Variants in ZYG11A observed in about 807,000 individuals in gnomAD.
ZYG11A encodes zyg-11 family member A, cell cycle regulator.
In ZYG11A, 62 loss-of-function variants were observed where a neutral mutation model predicts 77.2. The ratio of observed to expected loss-of-function variants is 0.80; its 90% CI spans 0.65 to 0.99. ZYG11A has a LOEUF of 0.99. Among genes scored for constraint, ZYG11A ranks in the 50% least tolerant of loss-of-function variants. ZYG11A has a pLI of 0.00. For missense variants in ZYG11A, 828 were observed against 896.8 expected, an observed-to-expected ratio of 0.92 and a Z score of 0.98; for synonymous variants, 315 against 324.6, an observed-to-expected ratio of 0.97 and a Z score of 0.32.
intron 3 of ZYG11A, 45 bp from the exon 4 acceptor site, chr1:52,860,686 A>G: frequency 6.5e-7 from 1 of 1,540,922 alleles, no homozygotes; most frequent in Non-Finnish European, 8.8e-7. Flanking sequence ...GAATGGTGAA[A>G]AAATATGAAT....
At chr1:52,881,267 G>A in intron 10 of ZYG11A, 1 of 455,212 alleles carries the variant, frequency 2.2e-6, no homozygotes, top group Non-Finnish European at 3.9e-6. Flanking sequence ...CACTTAGTAA[G>A]TACTTATTTA....
chr1:52,883,314 C>T (rs543782442), intron 11 of ZYG11A, among the ~76,000 whole-genome samples: 17 of 152,014 alleles, frequency 1.1e-4, no homozygotes, highest in East Asian at 3.9e-4. Context: ...TTAGTAGAGA[C>T]GATTTCACCA....
At chr1:52,861,535 C>T (rs576650) in intron 4 of ZYG11A, among the ~76,000 whole-genome samples, 88,606 of 151,596 alleles carry the variant, frequency 0.58, 26,958 homozygotes, top group African/African-American at 0.67. Context: ...ACCCCGTCTC[C>T]ACTAAAAACA....
rs980369059 is a variant in ZYG11A, at chr1:52,867,455, A to G, written c.1392-84A>G. The G allele has an allele frequency of 3.4e-6, 3 of 891,010 alleles. No individual in the cohort carries two copies. In the African/African-American group the frequency reaches 5.0e-5, roughly 15 times the overall value. 55.2% of individuals were successfully genotyped at this position (891,010 alleles called of 1,614,324 possible). On this transcript the variant is annotated intron_variant, in intron 6 of 13. Transcript: ENST00000371528. ...CCAAGACTGTTTTCATTATAGGATTACTTGGGGAATGCCAAATGATTTCTT... is the reference window on the plus strand; with the variant it reads ...CCAAGACTGTTTTCATTATAGGATTGCTTGGGGAATGCCAAATGATTTCTT...
chr1:52,858,641 G>A (rs1645864736), intron 3 of ZYG11A, among the ~76,000 whole-genome samples: 1 of 148,924 alleles, frequency 6.7e-6, no homozygotes, highest in African/African-American at 2.5e-5. Context: ...AGACTGAGTT[G>A]TGCTCTTGTT....
At chr1:52,860,572 C>T (rs987354630) in intron 3 of ZYG11A, among the ~76,000 whole-genome samples, 159 bp from the exon 4 acceptor site, 3 of 152,200 alleles carry the variant, frequency 2.0e-5, no homozygotes, top group African/African-American at 7.2e-5. Context: ...GCTGGGATTA[C>T]AGGCGTGAGC....
intron 3 of ZYG11A, among the ~76,000 whole-genome samples, chr1:52,859,119 T>G (rs1270253661): frequency 1.3e-5 from 2 of 152,096 alleles, no homozygotes; most frequent in African/African-American, 4.8e-5. Flanking sequence ...CAGGATGGAG[T>G]GCAGTGGCAC....
At chr1:52,863,950 T>C (rs1200500234) in intron 4 of ZYG11A, 31 bp from the exon 5 acceptor site, 1 of 1,530,124 alleles carries the variant, frequency 6.5e-7, no homozygotes, top group Non-Finnish European at 8.8e-7. Context: ...GTTACTGGCA[T>C]CATATGCACT....
At chr1:52,881,757 AAG>A in intron 11 of ZYG11A, 92 bp downstream of exon 11, 1 of 1,052,452 alleles carries the variant, frequency 9.5e-7, no homozygotes, top group South Asian at 1.9e-5. Flanking sequence ...TGATTGTAGA[AAG>A]TGGGAAAAAT....
rs1298352082 is a variant in ZYG11A at position 52,893,611 on chromosome 1, C to G, written c.*654C>G. Reference sequence around the variant, plus strand: ...AAAACTCCGTCTCTACCAAAAAATACAAAAATTAGCTGAGCGTGGTGGTGT... The same window carrying G: ...AAAACTCCGTCTCTACCAAAAAATAGAAAAATTAGCTGAGCGTGGTGGTGT... On this transcript the variant is annotated 3_prime_UTR_variant, in exon 14 of 14. Coordinates refer to ENST00000371528, the MANE Select transcript of ZYG11A (RefSeq NM_001004339.3). The G allele has an allele frequency of 6.6e-6, 1 of 151,800 alleles. No individual in the cohort carries two copies. 9.4% of individuals were successfully genotyped at this position (151,800 alleles called of 1,614,324 possible). A position where few individuals can be genotyped will look rare whatever the true frequency, so the allele number is the denominator to read the frequency against.
At chr1:52,858,067 A>G (rs1256572560) in intron 3 of ZYG11A, among the ~76,000 whole-genome samples, 2 of 151,162 alleles carry the variant, frequency 1.3e-5, no homozygotes, top group South Asian at 2.1e-4. Context: ...GATCATAGGC[A>G]TGAGCCACTG....
intron 8 of ZYG11A, among the ~76,000 whole-genome samples, chr1:52,875,226 A>C (rs1478140903): frequency 6.6e-6 from 1 of 152,312 alleles, no homozygotes; most frequent in South Asian, 2.1e-4. Context: ...AGAGGAAGTC[A>C]TTAGTCACCT....
Position 52,878,057 on chromosome 1 carries a change from G to A in ZYG11A, c.1749+88G>A, listed in dbSNP as rs1339296378. 3.6e-6 allele frequency: 4 copies of A among 1,124,142 alleles called. No individual in the cohort carries two copies. The African/African-American group carries it at 6.3e-5, about 18-fold the overall frequency. The allele number at this position is 1,124,142 out of a possible 1,614,324, so 69.6% of individuals were successfully genotyped here. ...TACCTACTATATGCTAGGCAGTATT[G>A]TAAGCAATTTACATGTATAAACTCA... On this transcript the variant is annotated intron_variant, in intron 10 of 13. Coordinates refer to ENST00000371528, the MANE Select transcript of ZYG11A (RefSeq NM_001004339.3).
At chr1:52,862,265 C>G (rs1162316410) in intron 4 of ZYG11A, among the ~76,000 whole-genome samples, 1 of 150,714 alleles carries the variant, frequency 6.6e-6, no homozygotes, top group Non-Finnish European at 1.5e-5. Flanking sequence ...GTCCCAGCTA[C>G]TTGGGTGACT....
intron 11 of ZYG11A, 80 bp downstream of exon 11, chr1:52,881,745 T>C: frequency 8.7e-7 from 1 of 1,148,280 alleles, no homozygotes; most frequent in Non-Finnish European, 1.2e-6. Flanking sequence ...ATCATAATAA[T>C]ATGATTGTAG....
chr1:52,884,219 G>A (rs140163768), intron 11 of ZYG11A, among the ~76,000 whole-genome samples: 2,744 of 151,884 alleles, frequency 0.018, 48 homozygotes, highest in Middle Eastern at 0.027. Context: ...GGGCGTGGCC[G>A]GGCACGGTGG....
intron 13 of ZYG11A, among the ~76,000 whole-genome samples, chr1:52,889,407 A>T (rs1571885266): frequency 6.6e-6 from 1 of 151,126 alleles, no homozygotes; most frequent in South Asian, 2.1e-4. Context: ...GTATTTCTTT[A>T]AAAAAAGTAT....
At chr1:52,858,100 T>TA (rs991231246) in intron 3 of ZYG11A, among the ~76,000 whole-genome samples, 6 of 150,276 alleles carry the variant, frequency 4.0e-5, no homozygotes, top group African/African-American at 1.5e-4. Flanking sequence ...CGTGAGAATA[T>TA]AATATTAAGA....
chr1:52,875,257 G>T (rs781271914), intron 8 of ZYG11A, among the ~76,000 whole-genome samples: 4 of 152,176 alleles, frequency 2.6e-5, no homozygotes, highest in Non-Finnish European at 4.4e-5. Context: ...ATTTCAGTGG[G>T]GTGGCAGGCC....
Sources: gnomAD v4.1 joint callset for allele counts (sites outside exome capture counted in the v4.1 genomes callset) on GRCh38, gnomAD v4.1.1 for gene constraint, MANE v1.5 for transcripts, NCBI Gene and HGNC (gene_info 2026-07-23, HGNC 2026-07-21) for gene names.